KHDRBS1: variants seen among roughly 807,000 people sequenced by gnomAD.
KHDRBS1 encodes the protein KH domain-containing, RNA-binding, signal transduction-associated protein 1.
Under a neutral mutation model 48.4 loss-of-function variants are expected in KHDRBS1, and 7 were observed. The ratio of observed to expected loss-of-function variants is 0.14; its 90% CI spans 0.08 to 0.27. KHDRBS1 has a LOEUF of 0.27. KHDRBS1 is among the 10% of genes least tolerant of loss of function. The probability of loss-of-function intolerance (pLI) is 1.00; values close to 1 mark genes in which losing one functional copy is unlikely to be tolerated. For synonymous variants in KHDRBS1, 241 were observed against 235.8 expected (o/e 1.02, Z -0.20); for missense variants, 458 against 601.2 (o/e 0.76, Z 2.49).
At chr1:32,025,107 A>G (rs1638938182) in intron 1 of KHDRBS1, among the ~76,000 whole-genome samples, 1 of 151,494 alleles carries the variant, frequency 6.6e-6, no homozygotes, top group Non-Finnish European at 1.5e-5. Context: ...ATCTCTACAA[A>G]TAAAAAAAAT....
At chr1:32,034,228 TGTG>T (rs1317136769) in intron 4 of KHDRBS1, among the ~76,000 whole-genome samples, 1 of 152,156 alleles carries the variant, frequency 6.6e-6, no homozygotes, top group Non-Finnish European at 1.5e-5. Context: ...TAGAACTAAA[TGTG>T]GTGTCAGATG....
chr1:32,037,302 AT>A (rs753241727), intron 5 of KHDRBS1, among the ~76,000 whole-genome samples: 10 of 152,056 alleles, frequency 6.6e-5, no homozygotes, highest in Non-Finnish European at 1.3e-4. Context: ...AAATACAAAA[AT>A]TATCCAGGTG....
At chr1:32,052,291 A>C (rs1639431026) in intron 10 of KHDRBS1, 1 of 152,062 alleles carries the variant, frequency 6.6e-6, no homozygotes, top group Non-Finnish European at 1.5e-5. Context: ...ACCCTAAGAG[A>C]CTGCTTATTG....
At chr1:32,048,962 G>C (rs972668701) in intron 10 of KHDRBS1, among the ~76,000 whole-genome samples, 3 of 151,804 alleles carry the variant, frequency 2.0e-5, no homozygotes, top group Non-Finnish European at 4.4e-5. Flanking sequence ...GGTTTAGCCA[G>C]TCACAGAAGA....
In KHDRBS1 at chr1:32,028,953, T is replaced by C. The variant is rs193046525; in HGVS notation, c.383-1345T>C. Among the ~76,000 whole-genome samples, 24 of 152,246 alleles carry C rather than the reference T, an allele frequency of 1.6e-4. No individual in the cohort carries two copies. In the East Asian group the frequency reaches 4.6e-3, roughly 29 times the overall value. Reference sequence around the variant, plus strand: ...TCTATAGTCTGGGAACTCCAGTATATAAACAGTGAAGACAAGAGACCAGTC... The same window carrying C: ...TCTATAGTCTGGGAACTCCAGTATACAAACAGTGAAGACAAGAGACCAGTC... On this transcript the variant is annotated intron_variant, in intron 1 of 8. Transcript: ENST00000327300.
At chr1:32,029,362 A>G (rs745833992) in intron 1 of KHDRBS1, among the ~76,000 whole-genome samples, 10 of 152,200 alleles carry the variant, frequency 6.6e-5, no homozygotes, top group Non-Finnish European at 1.3e-4. Context: ...ATGTTTTTTT[A>G]AAAAGTACCT....
At chr1:32,047,313 C>T (rs1639368956), downstream of KHDRBS1, among the ~76,000 whole-genome samples, 1 of 152,170 alleles carries the variant, frequency 6.6e-6, no homozygotes, top group Non-Finnish European at 1.5e-5. Context: ...CACACACCAC[C>T]ACGCCTGGAT....
intron 1 of KHDRBS1, among the ~76,000 whole-genome samples, chr1:32,029,621 C>T (rs1314915323): frequency 1.3e-5 from 2 of 152,174 alleles, no homozygotes; most frequent in Non-Finnish European, 2.9e-5. Context: ...CATGCCATTG[C>T]ACTCCAACCT....
downstream of KHDRBS1, chr1:32,045,254 G>T (rs906817483): frequency 1.3e-4 from 20 of 152,648 alleles, no homozygotes; most frequent in Non-Finnish European, 2.9e-4. Flanking sequence ...CTGCATGCAG[G>T]ATCTCTTTAT....
intron 4 of KHDRBS1, among the ~76,000 whole-genome samples, chr1:32,036,652 GT>G (rs990430636): frequency 2.0e-5 from 3 of 152,108 alleles, no homozygotes; most frequent in Non-Finnish European, 4.4e-5. Context: ...TTGTGAGTAG[GT>G]TATATATAGA....
intron 1 of KHDRBS1, among the ~76,000 whole-genome samples, chr1:32,020,864 C>G (rs1638844166): frequency 6.6e-6 from 1 of 152,128 alleles, no homozygotes; most frequent in Non-Finnish European, 1.5e-5. Context: ...TGTTCTGTAT[C>G]TTGACTGAGG....
rs1328766904 is a variant in KHDRBS1, at chr1:32,043,875, A to C, written c.*1251A>C. ...AATAAAGTTTAGTCCTTTTTTAATCAAAGTAAATGTGATGAATTGTCATTT... is the reference window on the plus strand; with the variant it reads ...AATAAAGTTTAGTCCTTTTTTAATCCAAGTAAATGTGATGAATTGTCATTT... On this transcript the variant is annotated 3_prime_UTR_variant, in exon 9 of 9. Coordinates refer to ENST00000327300, the MANE Select transcript of KHDRBS1 (RefSeq NM_006559.3). 2.0e-5 allele frequency: 3 copies of C among 152,668 alleles called. No homozygotes were observed. The allele number at this position is 152,668 out of a possible 1,614,324, so 9.5% of individuals were successfully genotyped here.
At position 32,033,286 on chromosome 1, in the gene KHDRBS1, T is replaced by C. The variant is rs1639115981; in HGVS notation, c.723T>C (p.Tyr241=). Reference sequence around the variant, plus strand: ...TCTTTGGACCCCCATGTGAGGCTTATGCTCTTATGGCCCATGCCATGGAGG... The same window carrying C: ...TCTTTGGACCCCCATGTGAGGCTTACGCTCTTATGGCCCATGCCATGGAGG... ...IEVFGPPCEA[Y]ALMAHAMEEV... is the part of the protein sequence containing the mutation. Residue 241 remains tyrosine (Y), a synonymous_variant, in exon 4 of 9, where the codon TAT becomes TAC. Transcript: ENST00000327300. 3.7e-6 allele frequency: 6 copies of C among 1,614,230 alleles called. No homozygotes were observed. Among genetic ancestry groups the C allele is most frequent in the Non-Finnish European group, 4.2e-6 (5 of 1,180,034 alleles).
intron 3 of KHDRBS1, 78 bp from the exon 4 acceptor site, chr1:32,033,110 C>G: frequency 9.1e-7 from 1 of 1,098,028 alleles, no homozygotes; most frequent in Non-Finnish European, 1.4e-6. Flanking sequence ...GTATTTCTTG[C>G]TGTTCCTTTG....
chr1:32,039,052 T>A (rs1213276279), intron 7 of KHDRBS1, among the ~76,000 whole-genome samples: 1 of 152,232 alleles, frequency 6.6e-6, no homozygotes, highest in African/African-American at 2.4e-5. Context: ...TAAAGCTCCA[T>A]AAAATTTTAC....
chr1:32,031,913 G>T (rs1639087262), intron 3 of KHDRBS1, among the ~76,000 whole-genome samples: 1 of 152,152 alleles, frequency 6.6e-6, no homozygotes, highest in South Asian at 2.1e-4. Flanking sequence ...GCATTGGTAG[G>T]ATTGTCTGTG....
chr1:32,050,566 G>A (rs749048802), intron 10 of KHDRBS1, among the ~76,000 whole-genome samples: 1 of 152,098 alleles, frequency 6.6e-6, no homozygotes, highest in Admixed American at 6.5e-5. Context: ...AGGCTGGAGT[G>A]CAGTGGTATG....
chr1:32,025,331 C>T (rs529421954), intron 1 of KHDRBS1, among the ~76,000 whole-genome samples: 12 of 118,826 alleles, frequency 1.0e-4, no homozygotes, highest in East Asian at 2.9e-4. Flanking sequence ...GACAGAGTCT[C>T]GCTCTGTCAC....
chr1:32,025,927 A>ATTTATTTATT (rs1553222310), intron 1 of KHDRBS1, among the ~76,000 whole-genome samples: 4 of 146,514 alleles, frequency 2.7e-5, no homozygotes, highest in African/African-American at 1.0e-4. Flanking sequence ...ATATATATAT[A>ATTTATTTATT]TATTTATTTA....
Sources: allele counts gnomAD v4.1 joint callset (sites outside exome capture counted in the v4.1 genomes callset), GRCh38; gene constraint gnomAD v4.1.1; transcripts MANE v1.5; gene names NCBI Gene and HGNC (gene_info 2026-07-23, HGNC 2026-07-21).